The following IGSF21 variants were observed in gnomAD, a reference collection of about 807,000 sequenced individuals.
IGSF21 encodes immunoglobulin superfamily member 21.
IGSF21 carries 28 observed loss-of-function variants against 46.8 expected under a neutral mutation model. The ratio of observed to expected loss-of-function variants is 0.60; its 90% confidence interval spans 0.44 to 0.82. IGSF21 has a LOEUF of 0.82. Ranked by LOEUF, IGSF21 falls within the 40% of genes least tolerant of loss-of-function variation. The pLI is 0.00. For missense variants in IGSF21, 624 were observed against 665.5 expected (o/e 0.94, Z 0.69); for synonymous variants, 284 against 273.6 (o/e 1.04, Z -0.38).
intron 2 of IGSF21, among the ~76,000 whole-genome samples, chr1:18,278,332 C>G (rs2085124066): frequency 6.6e-6 from 1 of 151,468 alleles, no homozygotes; most frequent in South Asian, 2.1e-4. Context: ...CTCTGACTCC[C>G]AGGTTCAAGC....
intron 1 of IGSF21, among the ~76,000 whole-genome samples, chr1:18,130,977 C>A (rs2086315974): frequency 6.6e-6 from 1 of 152,216 alleles, no homozygotes; most frequent in Non-Finnish European, 1.5e-5. Context: ...CAGCCTCGGG[C>A]CGGCTGATGG....
At chr1:18,251,841 G>A (rs926195049) in intron 2 of IGSF21, among the ~76,000 whole-genome samples, 2 of 152,108 alleles carry the variant, frequency 1.3e-5, no homozygotes, top group African/African-American at 2.4e-5. Flanking sequence ...CAATGAGGAT[G>A]CAGGGAAGTG....
chr1:18,244,528 C>A (rs1161061328), intron 2 of IGSF21, among the ~76,000 whole-genome samples: 3 of 152,196 alleles, frequency 2.0e-5, no homozygotes, highest in African/African-American at 7.2e-5. Flanking sequence ...ACAATGGATC[C>A]CTTGCACAAG....
At chr1:18,157,759 C>T (rs1030270652) in intron 1 of IGSF21, among the ~76,000 whole-genome samples, 3 of 152,136 alleles carry the variant, frequency 2.0e-5, no homozygotes, top group South Asian at 2.1e-4. Flanking sequence ...ATATTTGGTT[C>T]GCCACTCCAA....
intron 4 of IGSF21, among the ~76,000 whole-genome samples, chr1:18,346,264 C>T (rs974477301): frequency 2.0e-5 from 3 of 152,092 alleles, no homozygotes; most frequent in African/African-American, 7.2e-5. Context: ...GCCAGCAGCC[C>T]GGAGTCCAAT....
chr1:18,304,145 G>A (rs1047553034), intron 3 of IGSF21, among the ~76,000 whole-genome samples: 9 of 152,186 alleles, frequency 5.9e-5, no homozygotes, highest in Admixed American at 3.3e-4. Flanking sequence ...GAAGTTAAAC[G>A]TGGCCCCTAG....
chr1:18,295,271 A>G (rs2085302024), intron 3 of IGSF21, among the ~76,000 whole-genome samples: 1 of 152,190 alleles, frequency 6.6e-6, no homozygotes, highest in South Asian at 2.1e-4. Context: ...TCTAGGTCTT[A>G]GCCCCAGAGC....
chr1:18,332,267 ATTATC>A (rs1477475786), intron 3 of IGSF21, among the ~76,000 whole-genome samples: 1 of 152,108 alleles, frequency 6.6e-6, no homozygotes, highest in Non-Finnish European at 1.5e-5. Flanking sequence ...CCATGTTATT[ATTATC>A]TTATTACCTC....
intron 3 of IGSF21, among the ~76,000 whole-genome samples, chr1:18,305,488 T>TGACGGATG (rs1553162223): frequency 5.8e-4 from 29 of 50,418 alleles, no homozygotes; most frequent in African/African-American, 1.1e-3. Flanking sequence ...GATGGATGGA[T>TGACGGATG]GATGGATGGA....
At chr1:18,184,582 C>T (rs1416944546) in intron 1 of IGSF21, among the ~76,000 whole-genome samples, 1 of 152,180 alleles carries the variant, frequency 6.6e-6, no homozygotes, top group Non-Finnish European at 1.5e-5. Context: ...GGTTTCTTGC[C>T]CTTTGGGGAG....
chr1:18,214,537 C>A (rs886772139), intron 1 of IGSF21, among the ~76,000 whole-genome samples: 1 of 152,130 alleles, frequency 6.6e-6, no homozygotes, highest in African/African-American at 2.4e-5. Flanking sequence ...AGTCTGTTTT[C>A]ACACTGCTAT....
chr1:18,232,161 A>C (rs1358270384), intron 2 of IGSF21, among the ~76,000 whole-genome samples: 2 of 140,384 alleles, frequency 1.4e-5, no homozygotes, highest in Non-Finnish European at 3.1e-5. Flanking sequence ...CCCAGATTTG[A>C]GTGTCCAGGC....
rs144419915 is a variant in IGSF21, at chr1:18,229,754, C to G, written c.183+1744C>G. Among the ~76,000 whole-genome samples the G allele has an allele frequency of 2.7e-3, 413 of 152,300 alleles. 2 individuals are homozygous for G. The highest frequency in any genetic ancestry group is 9.7e-3 in the African/African-American group (404 of 41,560). ...TTAAATAGTGCCATGAACTGAATCA[C>G]TAAGAGGTGTATTTACAGGATATGG... On this transcript the variant is annotated intron_variant, in intron 2 of 9. Coordinates refer to ENST00000251296, the MANE Select transcript of IGSF21 (RefSeq NM_032880.5).
At chr1:18,282,368 G>A (rs550123472) in intron 2 of IGSF21, among the ~76,000 whole-genome samples, 7 of 152,078 alleles carry the variant, frequency 4.6e-5, no homozygotes, top group African/African-American at 7.2e-5. Flanking sequence ...ACTGAAGTTC[G>A]AATGTCTGGC....
intron 2 of IGSF21, among the ~76,000 whole-genome samples, chr1:18,260,833 C>T (rs955862040): frequency 6.6e-6 from 1 of 152,186 alleles, no homozygotes; most frequent in Non-Finnish European, 1.5e-5. Context: ...GTCCCACCTC[C>T]TACCTCATTT....
At chr1:18,259,957 T>C (rs1436675719) in intron 2 of IGSF21, among the ~76,000 whole-genome samples, 1 of 152,238 alleles carries the variant, frequency 6.6e-6, no homozygotes, top group Admixed American at 6.5e-5. Flanking sequence ...GCTCTGTAAC[T>C]TGCTAGATGT....
chr1:18,262,278 C>G lies in IGSF21; in HGVS notation c.184-29588C>G, dbSNP rs540598879. On this transcript the variant is annotated intron_variant, in intron 2 of 9. Coordinates refer to ENST00000251296, the MANE Select transcript of IGSF21 (RefSeq NM_032880.5). ...TGAGGGCTGCTTCTGGGGGCATGAA[C>G]TCTGGAGGTTCTGGCGACCGGATAA... Among the ~76,000 whole-genome samples the G allele has an allele frequency of 9.2e-5, 14 of 152,286 alleles. No homozygotes were observed. In the East Asian group the frequency reaches 2.7e-3, roughly 29 times the overall value.
intron 4 of IGSF21, among the ~76,000 whole-genome samples, chr1:18,358,943 T>C (rs540229571): frequency 1.7e-3 from 253 of 152,280 alleles, no homozygotes; most frequent in African/African-American, 5.5e-3. Context: ...GTAACTTACA[T>C]GTGCCATCAC....
At chr1:18,162,568 G>T (rs1050818020) in intron 1 of IGSF21, among the ~76,000 whole-genome samples, 5 of 152,150 alleles carry the variant, frequency 3.3e-5, no homozygotes, top group South Asian at 2.1e-4. Flanking sequence ...AATATATGCC[G>T]TTGTAAGTGT....
Sources: allele counts gnomAD v4.1 joint callset (sites outside exome capture counted in the v4.1 genomes callset), GRCh38; gene constraint gnomAD v4.1.1; transcripts MANE v1.5; gene names NCBI Gene and HGNC (gene_info 2026-07-23, HGNC 2026-07-21).